The following TG variants were observed in gnomAD, a reference collection of about 807,000 sequenced individuals.
TG encodes thyroglobulin, also known as thyroid hormones.
Under a neutral mutation model 324.7 loss-of-function variants are expected in TG, and 270 were observed. The observed-to-expected ratio is 0.83, with a 90% CI of 0.75 to 0.92. TG has a LOEUF of 0.92. Ranked by LOEUF, TG falls within the 40% of genes least tolerant of loss-of-function variation. The pLI, the probability that TG is intolerant of heterozygous loss-of-function variation, is 0.00. For synonymous variants in TG, 1,401 were observed against 1,327.0 expected, an observed-to-expected ratio of 1.06 and a Z score of -1.21; for missense variants, 3,591 against 3,456.4, an observed-to-expected ratio of 1.04 and a Z score of -0.98.
At chr8:132,934,920 T>G (rs1212576521) in intron 24 of TG, among the ~76,000 whole-genome samples, 1 of 152,112 alleles carries the variant, frequency 6.6e-6, no homozygotes, top group Middle Eastern at 3.2e-3. Flanking sequence ...AACCTTCTTC[T>G]AGATACTCCC....
chr8:133,024,852 A>C (rs1415743183), intron 40 of TG, among the ~76,000 whole-genome samples: 2 of 150,948 alleles, frequency 1.3e-5, no homozygotes, highest in Non-Finnish European at 2.9e-5. Flanking sequence ...GCTATTGTAA[A>C]TAGTGCTGCA....
intron 4 of TG, among the ~76,000 whole-genome samples, chr8:132,871,895 A>C (rs1369015114): frequency 1.3e-5 from 2 of 152,202 alleles, no homozygotes; most frequent in East Asian, 3.9e-4. Context: ...AGTGGACCAC[A>C]TACATGATGA....
rs756155224 is a variant in TG at position 133,022,134 on chromosome 8, C to T, written c.7020C>T (p.Phe2340=). ...VVTASYRVGV[F]GFLSSGSGEV... ...CTGCCAGCTACCGAGTGGGTGTCTT[C>T]GGCTTCCTGAGTTCTGGTGAGTTGC... Residue 2340 remains phenylalanine, a synonymous_variant, in exon 40 of 48, where the codon TTC becomes TTT. Transcript: ENST00000220616. 1.3e-4 allele frequency: 207 copies of T among 1,614,138 alleles called. 5 individuals are homozygous for T. The highest frequency in any genetic ancestry group is 7.2e-4 in the South Asian group (66 of 91,072).
intron 41 of TG, among the ~76,000 whole-genome samples, chr8:133,092,140 C>T (rs1297580089): frequency 2.0e-5 from 3 of 152,162 alleles, no homozygotes. Context: ...TCCTAACTCC[C>T]AGGATCCTCT....
intron 41 of TG, among the ~76,000 whole-genome samples, chr8:133,091,085 G>C (rs1208267593): frequency 1.3e-5 from 2 of 152,240 alleles, no homozygotes; most frequent in African/African-American, 4.8e-5. Flanking sequence ...ATTGCTCTGA[G>C]AGGTAGGTGA....
intron 35 of TG, among the ~76,000 whole-genome samples, chr8:132,997,343 C>A (rs985596520): frequency 6.6e-6 from 1 of 152,140 alleles, no homozygotes. Context: ...TTGGAGGTGT[C>A]CAGGAAGCAC....
rs572368996 is a variant in TG at position 132,870,370 on chromosome 8, A to C, written c.274+544A>C. 1.9e-4 allele frequency among the ~76,000 whole-genome samples: 28 copies of C among 146,890 alleles called. No homozygotes were observed. In the South Asian group the frequency reaches 6.0e-3, roughly 31 times the overall value. ...TCTGTTTGGGGTACTGGTTTTATGC[A>C]TCTAGTATGGTTGTCATGGGGGCAC... On this transcript the variant is annotated intron_variant, in intron 3 of 47. Transcript: ENST00000220616.
intron 45 of TG, among the ~76,000 whole-genome samples, chr8:133,126,273 A>G (rs1851510813): frequency 6.6e-6 from 1 of 152,206 alleles, no homozygotes; most frequent in African/African-American, 2.4e-5. Context: ...ATCCATGAAA[A>G]TGGAGTATCT....
intron 10 of TG, among the ~76,000 whole-genome samples, chr8:132,891,492 G>T (rs957581461): frequency 6.6e-6 from 1 of 151,982 alleles, no homozygotes; most frequent in Non-Finnish European, 1.5e-5. Context: ...GCACCATCAC[G>T]CCCAGCTAAT....
chr8:133,059,148 C>G (rs780644762), intron 41 of TG: 1 of 456,160 alleles, frequency 2.2e-6, no homozygotes, highest in African/African-American at 2.0e-5. Context: ...GAACTCCGCC[C>G]AGGGCGGTGC....
At chr8:132,932,790 T>C (rs1159578372) in intron 23 of TG, among the ~76,000 whole-genome samples, 1 of 152,222 alleles carries the variant, frequency 6.6e-6, no homozygotes, top group Non-Finnish European at 1.5e-5. Flanking sequence ...TTCTATTCTA[T>C]CATTCAATCC....
intron 35 of TG, chr8:132,995,063 A>T: frequency 2.1e-6 from 2 of 960,768 alleles, no homozygotes; most frequent in Non-Finnish European, 2.4e-6. Context: ...GCTCACCCAC[A>T]GGCAAGCAGA....
chr8:132,936,710 C>T (rs915710359), intron 25 of TG, among the ~76,000 whole-genome samples: 8 of 152,202 alleles, frequency 5.3e-5, no homozygotes, highest in Non-Finnish European at 1.2e-4. Flanking sequence ...TCTGCGCTCG[C>T]TCTTCTGCCC....
intron 41 of TG, among the ~76,000 whole-genome samples, chr8:133,041,035 A>G (rs1838123660): frequency 6.6e-6 from 1 of 152,210 alleles, no homozygotes. Flanking sequence ...AGCCCATGTT[A>G]TCATGAGAAA....
chr8:132,884,713 A>C (rs1324326126), intron 8 of TG, among the ~76,000 whole-genome samples: 2 of 152,204 alleles, frequency 1.3e-5, no homozygotes, highest in Admixed American at 6.5e-5. Flanking sequence ...TGGCTTTCCA[A>C]ATTAAAGGCC....
At chr8:133,081,778 T>C (rs748972686) in intron 41 of TG, among the ~76,000 whole-genome samples, 1 of 152,070 alleles carries the variant, frequency 6.6e-6, no homozygotes, top group Non-Finnish European at 1.5e-5. Context: ...TTCCCAGAGG[T>C]TGGGAAGTTC....
At chr8:133,017,135 A>G (rs1218210984) in intron 37 of TG, among the ~76,000 whole-genome samples, 1 of 152,098 alleles carries the variant, frequency 6.6e-6, no homozygotes, top group Non-Finnish European at 1.5e-5. Flanking sequence ...ACATCACCCT[A>G]TATCACCTGT....
chr8:132,877,545 A>G (rs1813996154), intron 5 of TG, among the ~76,000 whole-genome samples: 1 of 152,196 alleles, frequency 6.6e-6, no homozygotes, highest in South Asian at 2.1e-4. Flanking sequence ...GGGAGATGTT[A>G]GAGAATCTGA....
chr8:132,913,157 T>G lies in TG; in HGVS notation c.4270T>G (p.Phe1424Val), dbSNP rs776688425. Residue 1424 changes from phenylalanine (F) to valine (V), a missense_variant, in exon 20 of 48, where the codon TTC (phenylalanine) becomes GTC (valine). Coordinates refer to ENST00000220616, the MANE Select transcript of TG (RefSeq NM_003235.5). ...SKTFPAETIRFLQGDHFGTSP... is the reference protein window; with the variant it reads ...SKTFPAETIRVLQGDHFGTSP... Reference sequence around the variant, plus strand: ...GACGTTCCCAGCGGAAACCATCCGCTTCCTCCAAGGGGACCACTTTGGCAC... The same window carrying G: ...GACGTTCCCAGCGGAAACCATCCGCGTCCTCCAAGGGGACCACTTTGGCAC... 1.2e-6 allele frequency: 2 copies of G among 1,614,158 alleles called. No individual in the cohort carries two copies. The highest frequency in any genetic ancestry group is 4.5e-5 in the East Asian group (2 of 44,854).
Sources: gnomAD v4.1 joint callset for allele counts (sites outside exome capture counted in the v4.1 genomes callset) on GRCh38, gnomAD v4.1.1 for gene constraint, MANE v1.5 for transcripts, NCBI Gene and HGNC (gene_info 2026-07-23, HGNC 2026-07-21) for gene names.